The following GRAMD1B variants were observed in gnomAD, a reference collection of about 807,000 sequenced individuals.
GRAMD1B encodes the protein GRAM domain containing 1B.
A neutral mutation model predicts 99.7 loss-of-function variants in GRAMD1B; 37 were observed. The ratio of observed to expected loss-of-function variants is 0.37; its 90% CI spans 0.29 to 0.49. The LOEUF is 0.49. GRAMD1B is among the 20% of genes least tolerant of loss of function. GRAMD1B has a pLI of 0.98. For missense variants in GRAMD1B, 888 were observed against 1,009.2 expected (o/e 0.88, Z 1.63); for synonymous variants, 427 against 387.6 (o/e 1.10, Z -1.19).
intron 1 of GRAMD1B, among the ~76,000 whole-genome samples, chr11:123,397,724 G>T (rs1237391643): frequency 6.6e-6 from 1 of 152,090 alleles, no homozygotes; most frequent in African/African-American, 2.4e-5. Flanking sequence ...GCCCAGGCTG[G>T]TCTCGAACTC....
At chr11:123,419,969 G>A (rs948468812) in intron 1 of GRAMD1B, among the ~76,000 whole-genome samples, 2 of 152,006 alleles carry the variant, frequency 1.3e-5, no homozygotes, top group African/African-American at 2.4e-5. Context: ...AAACTTGCAC[G>A]GAATGATCAT....
At chr11:123,378,357 TG>T (rs1387334956) in intron 1 of GRAMD1B, among the ~76,000 whole-genome samples, 1 of 152,232 alleles carries the variant, frequency 6.6e-6, no homozygotes, top group East Asian at 1.9e-4. Flanking sequence ...TTCATGACTC[TG>T]GCCCTCAGTC....
At chr11:123,367,823 T>A (rs1946372700) in intron 1 of GRAMD1B, among the ~76,000 whole-genome samples, 1 of 149,172 alleles carries the variant, frequency 6.7e-6, no homozygotes, top group Non-Finnish European at 1.5e-5. Context: ...ATGAAGGGGG[T>A]TGCTGAGTGG....
chr11:123,432,882 T>A (rs530112321), intron 1 of GRAMD1B, among the ~76,000 whole-genome samples: 3 of 152,314 alleles, frequency 2.0e-5, no homozygotes, highest in Admixed American at 1.3e-4. Flanking sequence ...AGTTTATCTT[T>A]TCTGTTTGCA....
At position 123,517,574 on chromosome 11, in the gene GRAMD1B, A is replaced by G. The variant is rs1400956641; in HGVS notation, c.452+36681A>G. Among the ~76,000 whole-genome samples the G allele has an allele frequency of 3.3e-5, 5 of 152,202 alleles. No individual in the cohort carries two copies. The South Asian group carries it at 8.3e-4, about 25-fold the overall frequency. On this transcript the variant is annotated intron_variant, in intron 2 of 19. Transcript: ENST00000635736. ...AATGGAGTAAGTTGCTCAAGGTCAC[A>G]TAGCTGTTAAGTATAGATTTGAACT...
chr11:123,473,129 A>G (rs1240247719), intron 1 of GRAMD1B, among the ~76,000 whole-genome samples: 3 of 152,292 alleles, frequency 2.0e-5, no homozygotes, highest in South Asian at 4.1e-4. Flanking sequence ...CAATGGTGCA[A>G]TCTTGGCTCA....
chr11:123,394,796 C>G (rs914556446), intron 1 of GRAMD1B, among the ~76,000 whole-genome samples: 1 of 152,116 alleles, frequency 6.6e-6, no homozygotes, highest in Non-Finnish European at 1.5e-5. Flanking sequence ...GATCAAGGTG[C>G]CAGCAGGTTT....
In GRAMD1B at chr11:123,538,926, G is replaced by A. The variant is rs867099735; in HGVS notation, c.453-38441G>A. Among the ~76,000 whole-genome samples, 3 of 151,246 alleles carry A rather than the reference G, an allele frequency of 2.0e-5. No homozygotes were observed. In the Middle Eastern group the frequency reaches 0.01, roughly 514 times the overall value. ...TTACAGGTGTGAGCCACCGCGCCCAGTTCTGGACTTTAATATGAATGGAAT... is the reference window on the plus strand; with the variant it reads ...TTACAGGTGTGAGCCACCGCGCCCAATTCTGGACTTTAATATGAATGGAAT... On this transcript the variant is annotated intron_variant, in intron 2 of 19. Transcript: ENST00000635736.
intron 2 of GRAMD1B, among the ~76,000 whole-genome samples, chr11:123,573,640 A>G (rs1218176360): frequency 6.6e-6 from 1 of 152,240 alleles, no homozygotes; most frequent in Non-Finnish European, 1.5e-5. Flanking sequence ...ATCCAAATAT[A>G]TCACCTGAAA....
chr11:123,555,762 T>C (rs1223114309), intron 2 of GRAMD1B, among the ~76,000 whole-genome samples: 1 of 151,988 alleles, frequency 6.6e-6, no homozygotes, highest in Non-Finnish European at 1.5e-5. Context: ...AAAACGGAGT[T>C]TTGCTCTTCT....
intron 1 of GRAMD1B, among the ~76,000 whole-genome samples, chr11:123,470,169 T>C (rs1950940122): frequency 6.6e-6 from 1 of 152,204 alleles, no homozygotes; most frequent in Admixed American, 6.5e-5. Flanking sequence ...TCAGGACTCC[T>C]GCCCACATGC....
At chr11:123,513,434 T>A (rs1042612316) in intron 2 of GRAMD1B, among the ~76,000 whole-genome samples, 3 of 152,118 alleles carry the variant, frequency 2.0e-5, no homozygotes, top group Non-Finnish European at 4.4e-5. Flanking sequence ...TAGCCTGACC[T>A]GACTGTGTTA....
intron 2 of GRAMD1B, among the ~76,000 whole-genome samples, chr11:123,574,735 C>A (rs1295282754): frequency 6.6e-6 from 1 of 152,162 alleles, no homozygotes; most frequent in African/African-American, 2.4e-5. Context: ...GAAGCATCCA[C>A]CTGGCAGCAG....
intron 2 of GRAMD1B, among the ~76,000 whole-genome samples, chr11:123,543,259 A>C (rs1160238979): frequency 1.3e-5 from 2 of 152,176 alleles, no homozygotes; most frequent in African/African-American, 4.8e-5. Flanking sequence ...TTGCTTTCTA[A>C]GATTTACCTG....
intron 4 of GRAMD1B, among the ~76,000 whole-genome samples, chr11:123,585,322 G>A (rs1453903877): frequency 6.6e-6 from 1 of 152,200 alleles, no homozygotes; most frequent in Admixed American, 6.5e-5. Flanking sequence ...CAGATCAATT[G>A]TGTGGGCTGT....
chr11:123,613,934 A>G (rs1431282493), intron 16 of GRAMD1B, among the ~76,000 whole-genome samples: 1 of 152,098 alleles, frequency 6.6e-6, no homozygotes, highest in African/African-American at 2.4e-5. Context: ...CTACCTGCAT[A>G]GGCTCAAGTA....
intron 1 of GRAMD1B, among the ~76,000 whole-genome samples, chr11:123,360,754 T>A (rs1946112311): frequency 6.6e-6 from 1 of 150,562 alleles, no homozygotes; most frequent in South Asian, 2.1e-4. Flanking sequence ...CTTCTTTCCT[T>A]CCTTCCTTCC....
intron 17 of GRAMD1B, among the ~76,000 whole-genome samples, chr11:123,616,383 C>T (rs1388731844): frequency 6.6e-6 from 1 of 152,170 alleles, no homozygotes; most frequent in African/African-American, 2.4e-5. Context: ...TTAGCAACAT[C>T]GATTTAATGT....
At chr11:123,362,561 T>A (rs1465829054) in intron 1 of GRAMD1B, among the ~76,000 whole-genome samples, 1 of 152,174 alleles carries the variant, frequency 6.6e-6, no homozygotes, top group Non-Finnish European at 1.5e-5. Flanking sequence ...AATTGATTTA[T>A]ACAAAAACAC....
Sources: allele counts gnomAD v4.1 joint callset (sites outside exome capture counted in the v4.1 genomes callset), GRCh38; gene constraint gnomAD v4.1.1; transcripts MANE v1.5; gene names NCBI Gene and HGNC (gene_info 2026-07-23, HGNC 2026-07-21).